RORA: variants seen among roughly 807,000 people sequenced by gnomAD.
The protein encoded by RORA is nuclear receptor ROR-alpha.
A neutral mutation model predicts 69.5 loss-of-function variants in RORA; 7 were observed. The observed-to-expected ratio is 0.10, with a 90% CI of 0.06 to 0.19. The LOEUF is 0.19. RORA is among the 10% of genes least tolerant of loss of function. The pLI, the probability that RORA is intolerant of heterozygous loss-of-function variation, is 1.00. For missense variants in RORA, 457 were observed against 663.0 expected (o/e 0.69, Z 3.41); for synonymous variants, 261 against 240.8 (o/e 1.08, Z -0.78).
intron 1 of RORA, among the ~76,000 whole-genome samples, chr15:60,768,556 G>A (rs896371990): frequency 1.3e-5 from 2 of 152,156 alleles, no homozygotes; most frequent in Non-Finnish European, 2.9e-5. Flanking sequence ...TTTTGAAAGC[G>A]TTAAATAATT....
chr15:60,801,622 G>C (rs142141133), intron 1 of RORA, among the ~76,000 whole-genome samples: 1 of 152,318 alleles, frequency 6.6e-6, no homozygotes, highest in African/African-American at 2.4e-5. Context: ...ATGTTATAAA[G>C]ACATGAAGCT....
At chr15:60,571,120 T>G (rs187911145) in intron 2 of RORA, among the ~76,000 whole-genome samples, 1 of 152,282 alleles carries the variant, frequency 6.6e-6, no homozygotes, top group East Asian at 1.9e-4. Context: ...ATCTGTATTA[T>G]CTGAAGGCTG....
chr15:60,621,987 G>A (rs562716354), intron 2 of RORA, among the ~76,000 whole-genome samples: 157 of 152,182 alleles, frequency 1.0e-3, no homozygotes, highest in African/African-American at 3.4e-3. Context: ...GGCGGAGGTC[G>A]TGGTGAGCCA....
At chr15:60,546,980 T>A (rs895209904) in intron 2 of RORA, among the ~76,000 whole-genome samples, 3 of 152,186 alleles carry the variant, frequency 2.0e-5, no homozygotes, top group African/African-American at 7.2e-5. Context: ...GGAGTAGCAG[T>A]TCTGACACAA....
chr15:60,770,295 G>A (rs2072054869), intron 1 of RORA, among the ~76,000 whole-genome samples: 1 of 151,850 alleles, frequency 6.6e-6, no homozygotes. Context: ...TTTTAATGTT[G>A]TGCCTATTAT....
chr15:60,684,563 G>A (rs1206612558), intron 1 of RORA, among the ~76,000 whole-genome samples: 1 of 152,206 alleles, frequency 6.6e-6, no homozygotes, highest in Non-Finnish European at 1.5e-5. Flanking sequence ...GTTGCAGTGA[G>A]TTGAGATCAC....
intron 1 of RORA, among the ~76,000 whole-genome samples, chr15:60,865,177 G>C (rs986156662): frequency 6.6e-6 from 1 of 152,184 alleles, no homozygotes; most frequent in African/African-American, 2.4e-5. Flanking sequence ...GATAAACCCT[G>C]AACAGGGCTC....
At chr15:61,225,305 G>T (rs1457697541) in intron 1 of RORA, among the ~76,000 whole-genome samples, 1 of 152,036 alleles carries the variant, frequency 6.6e-6, no homozygotes, top group Non-Finnish European at 1.5e-5. Context: ...GTTCACTGTG[G>T]CGAGCCGGGT....
chr15:60,592,882 G>A (rs1320881730), intron 2 of RORA: 2 of 458,880 alleles, frequency 4.4e-6, no homozygotes, highest in Admixed American at 4.7e-5. Flanking sequence ...CCCCCACTCG[G>A]TGGGGCAAGA....
intron 1 of RORA, among the ~76,000 whole-genome samples, chr15:60,895,989 C>A (rs1230762848): frequency 6.6e-6 from 1 of 152,222 alleles, no homozygotes; most frequent in Non-Finnish European, 1.5e-5. Context: ...TCTAGGGGCA[C>A]ACATTTTAAT....
intron 1 of RORA, among the ~76,000 whole-genome samples, chr15:61,002,489 C>T (rs191106043): frequency 3.9e-5 from 6 of 152,266 alleles, no homozygotes; most frequent in African/African-American, 1.2e-4. Context: ...CTAATTTAAT[C>T]GTGGGCTTTG....
At chr15:60,705,731 A>T (rs932056430) in intron 1 of RORA, among the ~76,000 whole-genome samples, 2 of 152,168 alleles carry the variant, frequency 1.3e-5, no homozygotes, top group African/African-American at 2.4e-5. Flanking sequence ...AAAATTTTTT[A>T]AAATATATAT....
chr15:60,498,591 A>T (rs2065233484), intron 10 of RORA, among the ~76,000 whole-genome samples: 1 of 152,220 alleles, frequency 6.6e-6, no homozygotes, highest in Non-Finnish European at 1.5e-5. Context: ...TCACAAAGGC[A>T]AACTGCTTAT....
chr15:60,638,903 CT>C (rs2069887988), intron 2 of RORA, among the ~76,000 whole-genome samples: 1 of 152,142 alleles, frequency 6.6e-6, no homozygotes, highest in Non-Finnish European at 1.5e-5. Context: ...ATGGTCTCTA[CT>C]TTCCCCTTTT....
At chr15:60,890,625 T>A in intron 1 of RORA, among the ~76,000 whole-genome samples, 1 of 152,266 alleles carries the variant, frequency 6.6e-6, no homozygotes, top group Non-Finnish European at 1.5e-5. Flanking sequence ...CGAGGGCTGT[T>A]CTTTTTGAGC....
chr15:61,183,969 C>T (rs1312249802), intron 1 of RORA, among the ~76,000 whole-genome samples: 2 of 152,196 alleles, frequency 1.3e-5, no homozygotes, highest in African/African-American at 4.8e-5. Flanking sequence ...CCACACACCT[C>T]TGCCCTAACC....
In RORA at chr15:60,709,462, T is replaced by C. The variant is rs374896781; in HGVS notation, c.167-30776A>G. ...CTTTAGATCAGGGGTCCTTAACCCC[T>C]GGTACTGGTCCTGTTAGGAACTGGA... On this transcript the variant is annotated intron_variant, in intron 1 of 10. Coordinates refer to ENST00000335670, the MANE Select transcript of RORA (RefSeq NM_134261.3). Among the ~76,000 whole-genome samples the C allele has an allele frequency of 5.9e-5, 9 of 152,324 alleles. No homozygotes were observed. In the East Asian group the frequency reaches 7.7e-4, roughly 13 times the overall value.
At chr15:61,168,201 C>T (rs372319793) in intron 1 of RORA, among the ~76,000 whole-genome samples, 12 of 148,732 alleles carry the variant, frequency 8.1e-5, no homozygotes, top group East Asian at 5.8e-4. Flanking sequence ...CATATATACA[C>T]GCGCGTGCGT....
intron 5 of RORA, among the ~76,000 whole-genome samples, chr15:60,510,967 C>CAA (rs2065678524): frequency 6.6e-6 from 1 of 152,034 alleles, no homozygotes; most frequent in South Asian, 2.1e-4. Flanking sequence ...CCTGAACTTA[C>CAA]AGTTTTCTGC....
Sources: gnomAD v4.1 joint callset for allele counts (sites outside exome capture counted in the v4.1 genomes callset) on GRCh38, gnomAD v4.1.1 for gene constraint, MANE v1.5 for transcripts, NCBI Gene and HGNC (gene_info 2026-07-23, HGNC 2026-07-21) for gene names.